RIMS2: variants seen among roughly 807,000 people sequenced by gnomAD.
The protein encoded by RIMS2 is regulating synaptic membrane exocytosis protein 2.
A neutral mutation model predicts 174.4 loss-of-function variants in RIMS2; 59 were observed. That is an observed-to-expected ratio of 0.34 (90% CI 0.27 to 0.42). The LOEUF (loss-of-function observed/expected upper bound fraction) is 0.42, where lower values mean the gene tolerates loss of function less well. Ranked by LOEUF, RIMS2 falls within the 10% of genes least tolerant of loss-of-function variation. The pLI is 1.00. For missense variants in RIMS2, 1,620 were observed against 1,666.3 expected (o/e 0.97, Z 0.48); for synonymous variants, 606 against 572.5 (o/e 1.06, Z -0.84).
At chr8:103,848,710 G>T (rs1047386225) in intron 3 of RIMS2, among the ~76,000 whole-genome samples, 8 of 152,000 alleles carry the variant, frequency 5.3e-5, no homozygotes, top group Admixed American at 3.9e-4. Flanking sequence ...GGTTATATGG[G>T]ATTGTGTCAT....
At chr8:104,141,479 G>GCA (rs2098572179) in intron 19 of RIMS2, among the ~76,000 whole-genome samples, 1 of 152,160 alleles carries the variant, frequency 6.6e-6, no homozygotes, top group African/African-American at 2.4e-5. Flanking sequence ...AATGCCCTTT[G>GCA]ATGTTGTATT....
At chr8:103,567,700 A>G (rs527502265) in intron 1 of RIMS2, among the ~76,000 whole-genome samples, 1 of 152,338 alleles carries the variant, frequency 6.6e-6, no homozygotes, top group African/African-American at 2.4e-5. Flanking sequence ...TTGCTGGGTC[A>G]TATGGTAACT....
At chr8:103,664,359 A>T (rs555936537) in intron 1 of RIMS2, among the ~76,000 whole-genome samples, 1 of 152,228 alleles carries the variant, frequency 6.6e-6, no homozygotes, top group Non-Finnish European at 1.5e-5. Context: ...AATGGGAGAA[A>T]ACCTTTGCAA....
chr8:103,680,831 T>A (rs1006358091), intron 1 of RIMS2, among the ~76,000 whole-genome samples: 4 of 152,028 alleles, frequency 2.6e-5, no homozygotes, highest in South Asian at 2.1e-4. Flanking sequence ...TGAGTAATAA[T>A]CACACATTGG....
chr8:103,608,107 G>GT (rs2095209750), intron 1 of RIMS2, among the ~76,000 whole-genome samples: 1 of 149,670 alleles, frequency 6.7e-6, no homozygotes, highest in Non-Finnish European at 1.5e-5. Flanking sequence ...TTTCTGTTCT[G>GT]TTTTTTCCCC....
At position 103,543,928 on chromosome 8, in the gene RIMS2, C is replaced by T. The variant is rs117019220; in HGVS notation, c.176+42866C>T. Among the ~76,000 whole-genome samples the T allele has an allele frequency of 2.3e-3, 355 of 152,202 alleles. 6 individuals are homozygous for T. The highest frequency in any genetic ancestry group is 3.4e-3 in the Middle Eastern group (1 of 294). On this transcript the variant is annotated intron_variant, in intron 1 of 23. Transcript: ENST00000504942. ...AAAAGCTGCATGACATTGGTCTGTG[C>T]AATGATTTTTTTAGATATGATCCCA...
At chr8:103,756,011 G>C (rs2097995723) in intron 2 of RIMS2, among the ~76,000 whole-genome samples, 1 of 152,046 alleles carries the variant, frequency 6.6e-6, no homozygotes, top group Non-Finnish European at 1.5e-5. Flanking sequence ...GAGGTGCTCT[G>C]GTGTTTAGAA....
At chr8:104,071,433 GTGTT>G (rs984140482) in intron 19 of RIMS2, among the ~76,000 whole-genome samples, 10 of 151,888 alleles carry the variant, frequency 6.6e-5, no homozygotes, top group South Asian at 2.1e-4. Flanking sequence ...GGTCCCTGTG[GTGTT>G]TGTTTGTTTG....
intron 19 of RIMS2, among the ~76,000 whole-genome samples, chr8:104,104,011 A>C (rs904882918): frequency 1.3e-5 from 2 of 152,184 alleles, no homozygotes; most frequent in Non-Finnish European, 2.9e-5. Flanking sequence ...TAGAGTAAGA[A>C]CCTGAAGATG....
chr8:104,086,448 A>C (rs2097539199), intron 19 of RIMS2, among the ~76,000 whole-genome samples: 1 of 151,948 alleles, frequency 6.6e-6, no homozygotes, highest in Non-Finnish European at 1.5e-5. Flanking sequence ...ATCTCTGAAA[A>C]CTGAGAAATC....
chr8:103,729,642 G>C (rs1007725438), intron 2 of RIMS2, among the ~76,000 whole-genome samples: 6 of 116,634 alleles, frequency 5.1e-5, no homozygotes, highest in Admixed American at 8.6e-5. Flanking sequence ...TGCACTGTTA[G>C]TTTATTTTAA....
chr8:103,635,627 G>A (rs1004845967), intron 1 of RIMS2, among the ~76,000 whole-genome samples: 1 of 152,196 alleles, frequency 6.6e-6, no homozygotes, highest in Non-Finnish European at 1.5e-5. Flanking sequence ...ACCCCTTATT[G>A]TCCCAAAGAC....
chr8:104,017,501 G>T (rs1423031124), intron 19 of RIMS2, among the ~76,000 whole-genome samples: 1 of 151,650 alleles, frequency 6.6e-6, no homozygotes, highest in East Asian at 1.9e-4. Context: ...AAACTATAAG[G>T]CATTATTATT....
At chr8:103,876,864 T>A (rs1240866461) in intron 3 of RIMS2, among the ~76,000 whole-genome samples, 4 of 68,098 alleles carry the variant, frequency 5.9e-5, no homozygotes, top group African/African-American at 9.3e-5. Flanking sequence ...ACACACTATT[T>A]TATATATATA....
chr8:103,921,027 C>CAACA, intron 9 of RIMS2: 2 of 230,980 alleles, frequency 8.7e-6, no homozygotes, highest in South Asian at 1.0e-4. Flanking sequence ...ACAACAACAA[C>CAACA]AACAACAACA....
At chr8:104,164,736 G>T (rs1163683868) in intron 19 of RIMS2, among the ~76,000 whole-genome samples, 1 of 152,144 alleles carries the variant, frequency 6.6e-6, no homozygotes, top group African/African-American at 2.4e-5. Context: ...TTACTTATAA[G>T]TGGAAGGTAA....
At chr8:103,635,941 A>G (rs1233493013) in intron 1 of RIMS2, among the ~76,000 whole-genome samples, 1 of 152,004 alleles carries the variant, frequency 6.6e-6, no homozygotes, top group Non-Finnish European at 1.5e-5. Context: ...CTTAGTTGGG[A>G]GGTCTTGCCC....
intron 4 of RIMS2, among the ~76,000 whole-genome samples, chr8:103,902,940 C>T (rs1323420735): frequency 2.0e-5 from 3 of 151,978 alleles, no homozygotes; most frequent in Non-Finnish European, 4.4e-5. Context: ...ACCAGTATTC[C>T]ATGCAATACA....
intron 19 of RIMS2, among the ~76,000 whole-genome samples, chr8:104,231,443 G>C (rs913359391): frequency 1.3e-5 from 2 of 151,548 alleles, no homozygotes; most frequent in Non-Finnish European, 2.9e-5. Flanking sequence ...CCAAAGTTTT[G>C]TTCATGCCTT....
Sources: allele counts gnomAD v4.1 joint callset (sites outside exome capture counted in the v4.1 genomes callset), GRCh38; gene constraint gnomAD v4.1.1; transcripts MANE v1.5; gene names NCBI Gene and HGNC (gene_info 2026-07-23, HGNC 2026-07-21).